Variants in JHY observed in about 807,000 individuals in gnomAD.
The protein encoded by JHY is jhy protein homolog.
Under a neutral mutation model 78.0 loss-of-function variants are expected in JHY, and 69 were observed. The observed-to-expected ratio is 0.88, with a 90% CI of 0.73 to 1.08. The LOEUF is 1.08. JHY is among the 50% of genes least tolerant of loss of function. The pLI, the probability that JHY is intolerant of heterozygous loss-of-function variation, is 0.00. For missense variants in JHY, 944 were observed against 927.8 expected (o/e 1.02, Z -0.23); for synonymous variants, 368 against 342.6 (o/e 1.07, Z -0.82).
At position 122,959,523 on chromosome 11, in the gene JHY, C is replaced by T. The variant is rs1224209080; in HGVS notation, c.*78C>T. The stretch of plus-strand genomic sequence containing the variant: ...AAAGAAACGCCAACCACCTTCTCTG[C>T]GTTGAGAGTAATGGCCTATTATTAT... On this transcript the variant is annotated 3_prime_UTR_variant, in exon 9 of 9. Coordinates refer to ENST00000227349, the MANE Select transcript of JHY (RefSeq NM_024806.4). The T allele has an allele frequency of 6.7e-6, 9 of 1,350,062 alleles. No individual in the cohort carries two copies. The highest frequency in any genetic ancestry group is 9.3e-6 in the Non-Finnish European group (9 of 965,298). The allele number at this position is 1,350,062 out of a possible 1,614,324, so 83.6% of individuals were successfully genotyped here.
intron 1 of JHY, among the ~76,000 whole-genome samples, 159 bp from the exon 2 acceptor site, chr11:122,885,602 T>C (rs1054452987): frequency 6.6e-6 from 1 of 152,148 alleles, no homozygotes; most frequent in Non-Finnish European, 1.5e-5. Flanking sequence ...AGAAAAACAA[T>C]TGTTTTTCTA....
intron 8 of JHY, among the ~76,000 whole-genome samples, chr11:122,957,832 C>CACACACACA (rs55773365): frequency 6.6e-6 from 1 of 151,594 alleles, no homozygotes; most frequent in Admixed American, 6.6e-5. Flanking sequence ...CACACACACA[C>CACACACACA]TTTTGTAAAG....
At chr11:122,924,774 A>T in intron 3 of JHY, 123 bp from the exon 4 acceptor site, 1 of 686,260 alleles carries the variant, frequency 1.5e-6, no homozygotes, top group Non-Finnish European at 2.5e-6. Flanking sequence ...TGAATCCTTG[A>T]AATTAACTGA....
At position 122,935,331 on chromosome 11, in the gene JHY, C is replaced by T. The variant is rs4505077; in HGVS notation, c.1634+256C>T. 0.52 allele frequency among the ~76,000 whole-genome samples: 79,341 copies of T among 151,366 alleles called. 21,111 individuals are homozygous for T. Among genetic ancestry groups the T allele is most frequent in the African/African-American group, 0.61 (25,335 of 41,210 alleles). On this transcript the variant is annotated intron_variant, in intron 5 of 8. Coordinates refer to ENST00000227349, the MANE Select transcript of JHY (RefSeq NM_024806.4). The surrounding 1 kb of genome is among the most constrained non-coding windows in gnomAD (Gnocchi z 4.5). ...CTCATTGCAACCTCCGCCTCCCGAG[C>T]TCAAGCAATTCTCCTGGCCCAGCCT... is the stretch of plus-strand genomic sequence containing the variant.
intron 4 of JHY, among the ~76,000 whole-genome samples, chr11:122,932,569 G>A (rs975253136): frequency 1.3e-5 from 2 of 152,126 alleles, no homozygotes; most frequent in African/African-American, 2.4e-5. Flanking sequence ...CTTCTCTAGC[G>A]AGTTAAAGGC....
chr11:122,955,231 C>T (rs1864164295), intron 6 of JHY, among the ~76,000 whole-genome samples: 1 of 152,152 alleles, frequency 6.6e-6, no homozygotes, highest in Non-Finnish European at 1.5e-5. Context: ...AGCGATTCTC[C>T]TGCCTCAGCC....
rs755294210 is a variant in JHY at position 122,934,620 on chromosome 11, C to A, written c.1179C>A (p.Asn393Lys). ...EVTASQGNQN[N>K]PPRQQQNQNK... is the part of the protein sequence containing the mutation. ...CTGCCAGTCAGGGGAACCAGAATAA[C>A]CCTCCCAGGCAGCAACAAAACCAAA... Residue 393 changes from asparagine to lysine, a missense_variant, in exon 5 of 9, where the codon AAC becomes AAA. Transcript: ENST00000227349. 8.1e-6 allele frequency: 13 copies of A among 1,613,988 alleles called. No homozygotes were observed. Among genetic ancestry groups the A allele is most frequent in the Middle Eastern group, 1.6e-4 (1 of 6,084 alleles).
At chr11:122,927,550 C>T (rs1863534005) in intron 4 of JHY, among the ~76,000 whole-genome samples, 1 of 152,186 alleles carries the variant, frequency 6.6e-6, no homozygotes, top group East Asian at 1.9e-4. Flanking sequence ...AAGTCCAATG[C>T]CTTCTTTTTA....
At chr11:122,926,023 G>GAAAAAAAAAA (rs60531071) in intron 4 of JHY, among the ~76,000 whole-genome samples, 1 of 131,604 alleles carries the variant, frequency 7.6e-6, no homozygotes, top group Non-Finnish European at 1.6e-5. Flanking sequence ...TATCAAAAAA[G>GAAAAAAAAAA]AAAAAAAAAA....
rs145581972 is a variant in JHY at position 122,959,256 on chromosome 11, A to G, written c.2148A>G (p.Glu716=). Reference sequence around the variant, plus strand: ...CATCTTTATGCGTTTAGGCTTTGGAATACGCTAAGACCATCCCCAAACCCA... The same window carrying G: ...CATCTTTATGCGTTTAGGCTTTGGAGTACGCTAAGACCATCCCCAAACCCA... ...KSAIPRQKAL[E]YAKTIPKPKP... Residue 716 remains glutamate, a synonymous_variant, in exon 9 of 9, where the codon GAA becomes GAG. Coordinates refer to ENST00000227349, the MANE Select transcript of JHY (RefSeq NM_024806.4). 2 of 1,613,526 alleles carry G rather than the reference A, an allele frequency of 1.2e-6. No individual in the cohort carries two copies. Among genetic ancestry groups the G allele is most frequent in the Non-Finnish European group, 1.7e-6 (2 of 1,179,842 alleles).
chr11:122,907,714 C>T (rs1338231759), intron 3 of JHY, among the ~76,000 whole-genome samples: 2 of 151,570 alleles, frequency 1.3e-5, no homozygotes, highest in Non-Finnish European at 2.9e-5. Context: ...CATGGTGGAG[C>T]ATGCCTGTAA....
Position 122,960,686 on chromosome 11 carries a change from C to T in JHY, c.*1241C>T. 2.6e-6 allele frequency: 1 copy of T among 384,802 alleles called. No individual in the cohort carries two copies. Among genetic ancestry groups the T allele is most frequent in the Admixed American group, 3.5e-5 (1 of 28,220 alleles). The allele number at this position is 384,802 out of a possible 1,614,324, so 23.8% of individuals were successfully genotyped here. A position where few individuals can be genotyped will look rare whatever the true frequency, so the allele number is the denominator to read the frequency against. On this transcript the variant is annotated 3_prime_UTR_variant, in exon 9 of 9. Transcript: ENST00000227349. ...TCTATGTAATTTAAAAATATGGTGC[C>T]TCTATTGGAGAATCTGCTTATCAAC...
Position 122,946,773 on chromosome 11 carries a change from A to C in JHY, c.1910A>C (p.Lys637Thr). The C allele has an allele frequency of 6.2e-7, 1 of 1,612,436 alleles. No individual in the cohort carries two copies. Among genetic ancestry groups the C allele is most frequent in the Non-Finnish European group, 8.5e-7 (1 of 1,179,582 alleles). ...CAACTGGAAAAGGGAAAAAAGCATA[A>C]GAAAAGAAGCAGCAGTAAGGTAATA... ...LFQLEKGKKHKKRSSSKNTKL... is the reference protein window; with the variant it reads ...LFQLEKGKKHTKRSSSKNTKL... The change falls in exon 6 of 9, where the codon AAG (lysine) becomes ACG (threonine). Residue 637 changes from lysine (K) to threonine (T), a missense_variant. Coordinates refer to ENST00000227349, the MANE Select transcript of JHY (RefSeq NM_024806.4).
chr11:122,945,021 CT>C (rs150263217), intron 5 of JHY, among the ~76,000 whole-genome samples: 5,585 of 152,202 alleles, frequency 0.037, 229 homozygotes, highest in African/African-American at 0.1. Flanking sequence ...AGATTCATCT[CT>C]TTCATAAATA....
At chr11:122,910,364 A>G (rs879252254) in intron 3 of JHY, among the ~76,000 whole-genome samples, 1 of 151,644 alleles carries the variant, frequency 6.6e-6, no homozygotes, top group Non-Finnish European at 1.5e-5. Flanking sequence ...AATCCCAGCT[A>G]CTCGGGAAGC....
At chr11:122,938,652 G>C (rs192378540) in intron 5 of JHY, among the ~76,000 whole-genome samples, 2 of 152,012 alleles carry the variant, frequency 1.3e-5, no homozygotes, top group African/African-American at 4.8e-5. Flanking sequence ...TCCACCTTAG[G>C]GCTTGTGTCA....
rs779452627 is a variant in JHY at position 122,934,522 on chromosome 11, C to G, written c.1081C>G (p.Pro361Ala). ...MVNDHQPSRR[P>A]AKLKIRKQCK... The stretch of plus-strand genomic sequence containing the variant: ...GAATGACCATCAACCTTCCAGAAGA[C>G]CAGCCAAGCTCAAGATTCGAAAGCA... The change falls in exon 5 of 9, where the codon CCA (proline) becomes GCA (alanine). Residue 361 changes from proline to alanine, a missense_variant. Pro to Ala is a conservative substitution (Grantham distance 27, BLOSUM62 -1). Coordinates refer to ENST00000227349, the MANE Select transcript of JHY (RefSeq NM_024806.4). 1.2e-6 allele frequency: 2 copies of G among 1,614,024 alleles called. No homozygotes were observed. The highest frequency in any genetic ancestry group is 1.7e-6 in the Non-Finnish European group (2 of 1,180,004).
rs1313595638 is a variant in JHY, at chr11:122,898,592, C to T, written c.345-5333C>T. ...GAGTGAGTAGCAGAACAGTGATCCC[C>T]AGTGTTGTCACCTGTGAAAGGTGGC... On this transcript the variant is annotated intron_variant, in intron 2 of 8. Coordinates refer to ENST00000227349, the MANE Select transcript of JHY (RefSeq NM_024806.4). This position sits in a 1 kb window ranked among gnomAD's most constrained non-coding sequence, Gnocchi z 4.4. Among the ~76,000 whole-genome samples the T allele has an allele frequency of 6.6e-6, 1 of 152,192 alleles. No homozygotes were observed. Among genetic ancestry groups the T allele is most frequent in the East Asian group, 1.9e-4 (1 of 5,192 alleles).
Position 122,935,129 on chromosome 11 carries a change from G to A in JHY, c.1634+54G>A. The A allele has an allele frequency of 2.1e-6, 3 of 1,443,238 alleles. No homozygotes were observed. The highest frequency in any genetic ancestry group is 1.9e-6 in the Non-Finnish European group (2 of 1,074,376). The allele number at this position is 1,443,238 out of a possible 1,614,324, so 89.4% of individuals were successfully genotyped here. On this transcript the variant is annotated intron_variant, in intron 5 of 8. Transcript: ENST00000227349. The surrounding 1 kb of genome is among the most constrained non-coding windows in gnomAD (Gnocchi z 4.5). Reference sequence around the variant, plus strand: ...TCTAGAGGAGAAAGGAGAGACTGCTGCAGAAAGACGGGAGAGGAAGAAGGG... The same window carrying A: ...TCTAGAGGAGAAAGGAGAGACTGCTACAGAAAGACGGGAGAGGAAGAAGGG...
Sources: gnomAD v4.1 joint callset for allele counts (sites outside exome capture counted in the v4.1 genomes callset) on GRCh38, gnomAD v4.1.1 for gene constraint, Gnocchi (gnomAD v3.1) non-coding constraint, MANE v1.5 for transcripts, NCBI Gene and HGNC (gene_info 2026-07-23, HGNC 2026-07-21) for gene names.